Variants in PRDM4 observed in about 807,000 individuals in gnomAD.
The protein encoded by PRDM4 is PR/SET domain 4.
Under a neutral mutation model 62.3 loss-of-function variants are expected in PRDM4, and 38 were observed. That is an observed-to-expected ratio of 0.61 (90% CI 0.47 to 0.80). The LOEUF is 0.80. PRDM4 is among the 30% of genes least tolerant of loss of function. The pLI, the probability that PRDM4 is intolerant of heterozygous loss-of-function variation, is 0.00. For synonymous variants in PRDM4, 339 were observed against 348.2 expected, an observed-to-expected ratio of 0.97 and a Z score of 0.30; for missense variants, 858 against 997.1, an observed-to-expected ratio of 0.86 and a Z score of 1.88.
intron 5 of PRDM4, among the ~76,000 whole-genome samples, chr12:107,747,650 T>TA (rs1246477469): frequency 6.6e-6 from 1 of 152,206 alleles, no homozygotes; most frequent in African/African-American, 2.4e-5. Flanking sequence ...TCCTCCTCCG[T>TA]AAATCTTCTG....
intron 11 of PRDM4, 65 bp from the exon 12 acceptor site, chr12:107,734,587 T>C (rs1299560480): frequency 2.0e-6 from 3 of 1,469,962 alleles, no homozygotes; most frequent in Admixed American, 1.9e-5. Context: ...GCAACACTTA[T>C]TCTTCATAGC....
At chr12:107,748,134 T>G (rs185072541) in intron 5 of PRDM4, among the ~76,000 whole-genome samples, 65 of 152,018 alleles carry the variant, frequency 4.3e-4, no homozygotes, top group African/African-American at 1.5e-3. Context: ...AGGCTGAGAT[T>G]GCGCTACTGC....
intron 8 of PRDM4, 56 bp downstream of exon 8, chr12:107,743,141 C>T: frequency 7.3e-7 from 1 of 1,363,478 alleles, no homozygotes; most frequent in Non-Finnish European, 1.0e-6. Flanking sequence ...TGCAAAGCTT[C>T]CTATTGAAAA....
intron 5 of PRDM4, among the ~76,000 whole-genome samples, chr12:107,748,405 A>C (rs1489685113): frequency 1.3e-5 from 2 of 152,256 alleles, no homozygotes; most frequent in Non-Finnish European, 2.9e-5. Context: ...CATTATTCAT[A>C]GTAGCCAAAA....
intron 11 of PRDM4, chr12:107,739,126 G>C (rs1276788525): frequency 2.7e-6 from 1 of 377,060 alleles, no homozygotes; most frequent in Non-Finnish European, 4.8e-6. Flanking sequence ...TTTGTCTCTA[G>C]GTTTTTGTAG....
At chr12:107,756,716 T>G (rs1891076065) in intron 3 of PRDM4, 116 bp downstream of exon 3, 5 of 1,272,450 alleles carry the variant, frequency 3.9e-6, no homozygotes, top group Non-Finnish European at 1.1e-6. Context: ...TCAGGCCTGC[T>G]TACCTTCTCC....
intron 11 of PRDM4, among the ~76,000 whole-genome samples, chr12:107,737,494 G>T (rs1890370862): frequency 6.6e-6 from 1 of 152,152 alleles, no homozygotes. Flanking sequence ...ACCCTGAAAA[G>T]GAGTCCAGAT....
chr12:107,752,965 T>C (rs1024346621), intron 4 of PRDM4, among the ~76,000 whole-genome samples: 3 of 152,104 alleles, frequency 2.0e-5, no homozygotes, highest in African/African-American at 7.2e-5. Context: ...TAGAAAGTAA[T>C]GCATCATTAA....
At position 107,745,907 on chromosome 12, in the gene PRDM4, G is replaced by A. The variant is rs1652331601; in HGVS notation, c.1276+368C>T. ...ATAATTTACAAACATTTGATCTAAAGTTGTGTCATAAGGTGAATTTTCCAT... is the reference window on the plus strand; with the variant it reads ...ATAATTTACAAACATTTGATCTAAAATTGTGTCATAAGGTGAATTTTCCAT... On this transcript the variant is annotated intron_variant, in intron 6 of 11. Transcript: ENST00000228437. Among the ~76,000 whole-genome samples the A allele has an allele frequency of 3.3e-5, 5 of 152,304 alleles. 1 individual carries two copies. The South Asian group carries it at 1.0e-3, about 32-fold the overall frequency.
chr12:107,735,090 T>C (rs1316605690), intron 11 of PRDM4, among the ~76,000 whole-genome samples: 1 of 152,172 alleles, frequency 6.6e-6, no homozygotes, highest in Non-Finnish European at 1.5e-5. Context: ...AGCCTTGAAC[T>C]CCTGGGCTCA....
chr12:107,733,842 C>A lies in PRDM4; in HGVS notation c.*368G>T. 1 of 223,960 alleles carries A rather than the reference C, an allele frequency of 4.5e-6. No homozygotes were observed. Among genetic ancestry groups the A allele is most frequent in the Non-Finnish European group, 8.8e-6 (1 of 113,678 alleles). 13.9% of individuals were successfully genotyped at this position (223,960 alleles called of 1,614,324 possible). On this transcript the variant is annotated 3_prime_UTR_variant, in exon 12 of 12. Coordinates refer to ENST00000228437, the MANE Select transcript of PRDM4 (RefSeq NM_012406.4). ...GACCGTTTAGAATGTTACCAAGTCACAGGACCAGCAGGAAAATGGAATAAT... is the reference window on the plus strand; with the variant it reads ...GACCGTTTAGAATGTTACCAAGTCAAAGGACCAGCAGGAAAATGGAATAAT...
chr12:107,756,018 G>A (rs1477402471), intron 3 of PRDM4, among the ~76,000 whole-genome samples: 4 of 151,508 alleles, frequency 2.6e-5, no homozygotes, highest in East Asian at 1.9e-4. Flanking sequence ...CCCGGGAGGC[G>A]GGCGGAGGTT....
rs745643271 is a variant in PRDM4, at chr12:107,742,344, G to A, written c.1486C>T (p.Arg496Trp). ...WMMFVRKARN[R>W]EEQNLVAYPH... ...TAAGCCACCAAATTCTGCTCTTCCC[G>A]GTTCCTGAGTTATCACATTTAATAG... The change falls in exon 9 of 12, where the codon CGG becomes TGG. Residue 496 changes from arginine (R) to tryptophan (W), a missense_variant. Physicochemically the swap from Arg to Trp is moderately radical, Grantham distance 101. Transcript: ENST00000228437. The A allele has an allele frequency of 2.8e-5, 45 of 1,613,432 alleles. No individual in the cohort carries two copies. Among genetic ancestry groups the A allele is most frequent in the South Asian group, 1.3e-4 (12 of 91,050 alleles).
At chr12:107,747,977 G>A (rs1566097399) in intron 5 of PRDM4, among the ~76,000 whole-genome samples, 3 of 151,898 alleles carry the variant, frequency 2.0e-5, no homozygotes, top group Non-Finnish European at 4.4e-5. Context: ...GGTCTCGAAC[G>A]CATGAGACCA....
In PRDM4 at chr12:107,752,142, A is replaced by G. The variant is rs1432375472; in HGVS notation, c.399T>C (p.Asp133=). The part of the protein sequence containing the change: ...QYIHPNSINV[D]GNTALSITNN... Reference sequence around the variant, plus strand: ...TGGTGATAGATAATGCTGTATTACCATCAACATTTATAGAGTTAGGGTGGA... The same window carrying G: ...TGGTGATAGATAATGCTGTATTACCGTCAACATTTATAGAGTTAGGGTGGA... Residue 133 remains aspartate (D), a synonymous_variant, in exon 5 of 12, where the codon GAT becomes GAC. Transcript: ENST00000228437. 3.1e-6 allele frequency: 5 copies of G among 1,598,826 alleles called. No individual in the cohort carries two copies. Among genetic ancestry groups the G allele is most frequent in the East Asian group, 2.2e-5 (1 of 44,814 alleles).
chr12:107,753,554 T>C (rs1317517907), intron 4 of PRDM4, among the ~76,000 whole-genome samples: 1 of 152,118 alleles, frequency 6.6e-6, no homozygotes, highest in African/African-American at 2.4e-5. Context: ...AATAAGCATA[T>C]AATACTCCTA....
chr12:107,754,183 A>T (rs952592251), intron 3 of PRDM4, 74 bp from the exon 4 acceptor site: 7 of 1,232,224 alleles, frequency 5.7e-6, no homozygotes, highest in African/African-American at 3.1e-5. Flanking sequence ...CCACTGGCTA[A>T]ACTCTTAGAA....
chr12:107,753,923 C>T lies in PRDM4; in HGVS notation c.331+1G>A. On this transcript the variant is annotated splice_donor_variant, in intron 4 of 11. Coordinates refer to ENST00000228437, the MANE Select transcript of PRDM4 (RefSeq NM_012406.4). LOFTEE classifies it high-confidence loss of function. The stretch of plus-strand genomic sequence containing the variant: ...ACATCTCAAGTAACTGTAACACTTA[C>T]CAGGTAGAATGGTTCTGAAATAACT... 6.2e-7 allele frequency: 1 copy of T among 1,609,578 alleles called. No individual in the cohort carries two copies. The highest frequency in any genetic ancestry group is 8.5e-7 in the Non-Finnish European group (1 of 1,178,366).
chr12:107,741,070 G>A lies in PRDM4; in HGVS notation c.1800C>T (p.Ile600=), dbSNP rs746128231. 6.2e-7 allele frequency: 1 copy of A among 1,614,164 alleles called. No homozygotes were observed. The highest frequency in any genetic ancestry group is 8.5e-7 in the Non-Finnish European group (1 of 1,180,036). The change falls in exon 10 of 12, where the codon ATC becomes ATT. Residue 600 remains isoleucine, a synonymous_variant. Coordinates refer to ENST00000228437, the MANE Select transcript of PRDM4 (RefSeq NM_012406.4). ...WKCSMCPQAF[I]SPSKLHVHFM... is the part of the protein sequence containing the mutation. ...AGTGGACATGAAGTTTGGAAGGAGAGATAAAAGCTTGGGGGCACATTGAGC... is the reference window on the plus strand; with the variant it reads ...AGTGGACATGAAGTTTGGAAGGAGAAATAAAAGCTTGGGGGCACATTGAGC...
Sources: gnomAD v4.1 joint callset for allele counts (sites outside exome capture counted in the v4.1 genomes callset) on GRCh38, gnomAD v4.1.1 for gene constraint, MANE v1.5 for transcripts, NCBI Gene and HGNC (gene_info 2026-07-23, HGNC 2026-07-21) for gene names.